The following PIK3R5 variants were observed in gnomAD, a reference collection of about 807,000 sequenced individuals.
The protein encoded by PIK3R5 is phosphoinositide-3-kinase regulatory subunit 5, also known as phosphoinositide 3-kinase regulatory subunit 5.
Under a neutral mutation model 94.9 loss-of-function variants are expected in PIK3R5, and 32 were observed. The observed-to-expected ratio is 0.34, with a 90% CI of 0.25 to 0.45. The LOEUF (loss-of-function observed/expected upper bound fraction) is 0.45. Among genes scored for constraint, PIK3R5 ranks in the 20% least tolerant of loss-of-function variants. The pLI is 1.00. For missense variants in PIK3R5, 853 were observed against 1,144.6 expected (o/e 0.75, Z 3.68); for synonymous variants, 443 against 479.4 (o/e 0.92, Z 0.99).
intron 1 of PIK3R5, among the ~76,000 whole-genome samples, chr17:8,962,492 A>G (rs9912145): frequency 0.033 from 5,078 of 152,330 alleles, 262 homozygotes; most frequent in African/African-American, 0.11. Context: ...TAGAAGGTAG[A>G]GCTACTGGAA....
In PIK3R5 at chr17:8,880,832, T is replaced by C. The variant is rs4791764; in HGVS notation, c.2496-46A>G. The stretch of plus-strand genomic sequence containing the variant: ...CAGGGATCAGAGCAGGCCCCCATCC[T>C]TCCAGCTCCTTCCAGGCCTCTGGGT... On this transcript the variant is annotated intron_variant, in intron 18 of 18. Transcript: ENST00000447110. 436,052 of 1,612,472 alleles carry C rather than the reference T, an allele frequency of 0.27. 62,619 individuals carry two copies. Among genetic ancestry groups the C allele is most frequent in the African/African-American group, 0.38 (28,727 of 74,906 alleles).
chr17:8,906,179 C>T (rs1368094051), intron 3 of PIK3R5, among the ~76,000 whole-genome samples: 6 of 152,154 alleles, frequency 3.9e-5, no homozygotes, highest in African/African-American at 1.2e-4. Flanking sequence ...CGACAGGCCC[C>T]GGTGTGTGAT....
intron 2 of PIK3R5, among the ~76,000 whole-genome samples, chr17:8,910,182 G>A (rs2090492933): frequency 6.6e-6 from 1 of 152,260 alleles, no homozygotes; most frequent in South Asian, 2.1e-4. Context: ...AGAGCCGCAG[G>A]AGTGGAAATG....
rs558255160 is a variant in PIK3R5, at chr17:8,881,006, C to T, written c.2394G>A (p.Ser798=). The T allele has an allele frequency of 4.3e-6, 7 of 1,613,790 alleles. No individual in the cohort carries two copies. Among genetic ancestry groups the T allele is most frequent in the African/African-American group, 2.7e-5 (2 of 75,040 alleles). Residue 798 remains serine, a synonymous_variant, in exon 18 of 19, where the codon TCG becomes TCA. Coordinates refer to ENST00000447110, the MANE Select transcript of PIK3R5 (RefSeq NM_001142633.3). The surrounding 1 kb of genome is among the most constrained non-coding windows in gnomAD (Gnocchi z 4.8). The stretch of plus-strand genomic sequence containing the variant: ...TCTGCACCTTGTCCACTTTGATCTG[C>T]GATGTGCTAATCTGGAAGGAAGGCC... ...SKKGFNQIST[S]QIKVDKVQII...
intron 1 of PIK3R5, among the ~76,000 whole-genome samples, chr17:8,913,839 A>G (rs1027659744): frequency 6.6e-6 from 1 of 152,120 alleles, no homozygotes; most frequent in South Asian, 2.1e-4. Flanking sequence ...TTGCCTTTGG[A>G]TCTTCTGTTT....
chr17:8,905,799 G>A, intron 3 of PIK3R5, 62 bp from the exon 4 acceptor site: 1 of 1,012,682 alleles, frequency 9.9e-7, no homozygotes, highest in Non-Finnish European at 1.4e-6. Context: ...CCCTGAGGCA[G>A]AATACAGTGG....
At chr17:8,916,355 G>C (rs937373868) in intron 1 of PIK3R5, 1 of 152,220 alleles carries the variant, frequency 6.6e-6, no homozygotes, top group Admixed American at 6.5e-5. Flanking sequence ...CCAGCATGAC[G>C]CCTTTTTTCA....
rs185365536 is a variant in PIK3R5 at position 8,898,656 on chromosome 17, C to T, written c.413-5001G>A. Among the ~76,000 whole-genome samples, 499 of 152,282 alleles carry T rather than the reference C, an allele frequency of 3.3e-3. 3 individuals carry two copies. Among genetic ancestry groups the T allele is most frequent in the South Asian group, 2.5e-3 (12 of 4,828 alleles). On this transcript the variant is annotated intron_variant, in intron 5 of 18. Coordinates refer to ENST00000447110, the MANE Select transcript of PIK3R5 (RefSeq NM_001142633.3). The stretch of plus-strand genomic sequence containing the variant: ...AGGGTTAGATGGGACCAACCTATGA[C>T]GGTGCTTCATATGCCATAAGCAACC...
intron 1 of PIK3R5, among the ~76,000 whole-genome samples, chr17:8,953,090 A>T (rs2091405368): frequency 6.6e-6 from 1 of 152,172 alleles, no homozygotes; most frequent in Non-Finnish European, 1.5e-5. Context: ...TGGGAGAATG[A>T]GGGAATGGGA....
chr17:8,899,453 A>G (rs1177329747), intron 5 of PIK3R5, among the ~76,000 whole-genome samples: 2 of 152,220 alleles, frequency 1.3e-5, no homozygotes, highest in Non-Finnish European at 2.9e-5. Flanking sequence ...TGTGAAATCA[A>G]TTAGGCCAAC....
At position 8,888,857 on chromosome 17, in the gene PIK3R5, C is replaced by T. The variant is rs765430394; in HGVS notation, c.930G>A (p.Glu310=). The T allele has an allele frequency of 6.9e-6, 11 of 1,604,202 alleles. No homozygotes were observed. The South Asian group carries it at 9.9e-5, about 14-fold the overall frequency. ...CTCCCAGGATCCCTGGCTGGAGTAG[C>T]TCCTGTTCCTTGAGCAGGATTTCCT... The part of the protein sequence containing the change: ...ILQEILLKEQ[E]LLQPGILGDD... Residue 310 remains glutamate (E), a synonymous_variant, in exon 10 of 19, where the codon GAG becomes GAA. Coordinates refer to ENST00000447110, the MANE Select transcript of PIK3R5 (RefSeq NM_001142633.3). The surrounding 1 kb of genome is among the most constrained non-coding windows in gnomAD (Gnocchi z 7.8).
chr17:8,879,232 C>T lies in PIK3R5; in HGVS notation c.*1407G>A, dbSNP rs1286361874. The T allele has an allele frequency of 6.6e-6, 1 of 152,248 alleles. No individual in the cohort carries two copies. The highest frequency in any genetic ancestry group is 1.5e-5 in the Non-Finnish European group (1 of 68,050). 9.4% of individuals were successfully genotyped at this position (152,248 alleles called of 1,614,324 possible). On this transcript the variant is annotated 3_prime_UTR_variant, in exon 19 of 19. Coordinates refer to ENST00000447110, the MANE Select transcript of PIK3R5 (RefSeq NM_001142633.3). This position sits in a 1 kb window ranked among gnomAD's most constrained non-coding sequence, Gnocchi z 4.4. Reference sequence around the variant, plus strand: ...GACTTTGTGCAGGATACAGTTCATGCTTCCGTGGCTACTTTCTCCACATCA... The same window carrying T: ...GACTTTGTGCAGGATACAGTTCATGTTTCCGTGGCTACTTTCTCCACATCA...
rs2091459737 is a variant in PIK3R5, at chr17:8,955,941, G to C, written c.-14+9655C>G. Reference sequence around the variant, plus strand: ...AGGCCGAAGCAGGTAGATCACTTGAGCCCAGGAGTTTGAGAACAGCCTGGG... The same window carrying C: ...AGGCCGAAGCAGGTAGATCACTTGACCCCAGGAGTTTGAGAACAGCCTGGG... On this transcript the variant is annotated intron_variant, in intron 1 of 18. Coordinates refer to ENST00000447110, the MANE Select transcript of PIK3R5 (RefSeq NM_001142633.3). This position sits in a 1 kb window ranked among gnomAD's most constrained non-coding sequence, Gnocchi z 4.4. 6.6e-6 allele frequency among the ~76,000 whole-genome samples: 1 copy of C among 152,120 alleles called. No homozygotes were observed. The highest frequency in any genetic ancestry group is 6.5e-5 in the Admixed American group (1 of 15,274).
At chr17:8,964,394 A>ATTAT (rs2091626763) in intron 1 of PIK3R5, among the ~76,000 whole-genome samples, 1 of 151,754 alleles carries the variant, frequency 6.6e-6, no homozygotes, top group East Asian at 1.9e-4. Flanking sequence ...CTGTCTCAAT[A>ATTAT]ATAATAATAA....
At position 8,888,235 on chromosome 17, in the gene PIK3R5, G is replaced by C; in HGVS notation, c.1552C>G (p.Arg518Gly). 6.2e-7 allele frequency: 1 copy of C among 1,613,462 alleles called. No homozygotes were observed. Among genetic ancestry groups the C allele is most frequent in the Non-Finnish European group, 8.5e-7 (1 of 1,179,946 alleles). The change falls in exon 10 of 19, where the codon CGT (arginine) becomes GGT (glycine). Residue 518 changes from arginine to glycine, a missense_variant. Coordinates refer to ENST00000447110, the MANE Select transcript of PIK3R5 (RefSeq NM_001142633.3). This position sits in a 1 kb window ranked among gnomAD's most constrained non-coding sequence, Gnocchi z 7.8. ...CGATCGGAGCCAAAGACCACAACAC[G>C]TAGCGTGGAAGCCTTGGGATCCTCA... ...GDEDPKASTLRVVVFGSDRIS... is the reference protein window; with the variant it reads ...GDEDPKASTLGVVVFGSDRIS...
intron 5 of PIK3R5, among the ~76,000 whole-genome samples, chr17:8,894,525 G>A (rs751220592): frequency 5.3e-5 from 8 of 152,156 alleles, no homozygotes; most frequent in Non-Finnish European, 1.2e-4. Context: ...CTCCCAGCCC[G>A]CATCCCCTTT....
rs2090360000 is a variant in PIK3R5, at chr17:8,904,788, A to G, written c.401T>C (p.Leu134Pro). The G allele has an allele frequency of 6.2e-7, 1 of 1,614,122 alleles. No homozygotes were observed. Among genetic ancestry groups the G allele is most frequent in the Non-Finnish European group, 8.5e-7 (1 of 1,180,008 alleles). The change falls in exon 5 of 19, where the codon CTC becomes CCC. Residue 134 changes from leucine (L) to proline (P), a missense_variant. Physicochemically the swap from Leu to Pro is moderately conservative, Grantham distance 98. Transcript: ENST00000447110. The surrounding 1 kb of genome is among the most constrained non-coding windows in gnomAD (Gnocchi z 5.1). ...QELLTFIDAE[L>P]KAPGISYQRL... ...GCCTCAGTGCTTACCTGGGGCCTTG[A>G]GTTCAGCATCAATGAAGGTGAGCAG...
rs140063117 is a variant in PIK3R5, at chr17:8,920,278, C to T, written c.-13-8771G>A. Among the ~76,000 whole-genome samples, 947 of 152,292 alleles carry T rather than the reference C, an allele frequency of 6.2e-3. 11 individuals carry two copies. Among genetic ancestry groups the T allele is most frequent in the African/African-American group, 0.021 (885 of 41,550 alleles). ...TAAAACACCTCCTGCATGATTCTGA[C>T]GCACAGTTAGACTTGGAAAGTCATG... On this transcript the variant is annotated intron_variant, in intron 1 of 18. Coordinates refer to ENST00000447110, the MANE Select transcript of PIK3R5 (RefSeq NM_001142633.3).
chr17:8,880,753 C>G lies in PIK3R5; in HGVS notation c.2529G>C (p.Lys843Asn), dbSNP rs1159564603. Residue 843 changes from lysine to asparagine, a missense_variant, in exon 19 of 19, where the codon AAG becomes AAC. This residue lies in a region of PIK3R5 where 91 missense variants were observed against 90.5 expected (regional missense o/e 1.01). Transcript: ENST00000447110. ...CEVSPCYKPE[K>N]SDLSSPPQTP... is the part of the protein sequence containing the mutation. The stretch of plus-strand genomic sequence containing the variant: ...TCTGGGGTGGTGAGGAGAGGTCGCT[C>G]TTCTCTGGCTTGTAGCACGGTGAGA... 3.1e-6 allele frequency: 5 copies of G among 1,613,716 alleles called. No homozygotes were observed. The highest frequency in any genetic ancestry group is 1.3e-5 in the African/African-American group (1 of 74,928).
Sources: gnomAD v4.1 joint callset for allele counts (sites outside exome capture counted in the v4.1 genomes callset) on GRCh38, gnomAD v4.1.1 for gene constraint, gnomAD v4.1.1 regional missense constraint, Gnocchi (gnomAD v3.1) non-coding constraint, MANE v1.5 for transcripts, NCBI Gene and HGNC (gene_info 2026-07-23, HGNC 2026-07-21) for gene names.